The following PPP1R12B variants were observed in gnomAD, a reference collection of about 807,000 sequenced individuals.
The protein encoded by PPP1R12B is myosin phosphatase target subunit 2.
Under a neutral mutation model 126.1 loss-of-function variants are expected in PPP1R12B, and 76 were observed. The observed-to-expected ratio is 0.60, with a 90% CI of 0.50 to 0.73. The LOEUF (loss-of-function observed/expected upper bound fraction) is 0.73, where lower values mean the gene tolerates loss of function less well. Ranked by LOEUF, PPP1R12B falls within the 30% of genes least tolerant of loss-of-function variation. The pLI, the probability that PPP1R12B is intolerant of heterozygous loss-of-function variation, is 0.00. For synonymous variants in PPP1R12B, 356 were observed against 434.7 expected, an observed-to-expected ratio of 0.82 and a Z score of 2.25; for missense variants, 1,052 against 1,205.1, an observed-to-expected ratio of 0.87 and a Z score of 1.88.
intron 1 of PPP1R12B, among the ~76,000 whole-genome samples, chr1:202,377,714 T>C (rs1661427967): frequency 6.6e-6 from 1 of 151,432 alleles, no homozygotes; most frequent in Non-Finnish European, 1.5e-5. Flanking sequence ...TCTAGGGCAA[T>C]AGTGAAAGGC....
intron 18 of PPP1R12B, among the ~76,000 whole-genome samples, chr1:202,532,720 A>G (rs544734306): frequency 3.0e-4 from 45 of 152,282 alleles, no homozygotes; most frequent in African/African-American, 1.1e-3. Flanking sequence ...GGAATTAAAA[A>G]AGAAAGTCAC....
intron 13 of PPP1R12B, among the ~76,000 whole-genome samples, chr1:202,469,980 A>G (rs1675610219): frequency 2.0e-5 from 3 of 152,200 alleles, no homozygotes; most frequent in Non-Finnish European, 4.4e-5. Context: ...TTAGATTTCA[A>G]TAAAGGTTAA....
At chr1:202,466,273 C>T (rs1382949973) in intron 13 of PPP1R12B, among the ~76,000 whole-genome samples, 2 of 151,982 alleles carry the variant, frequency 1.3e-5, no homozygotes, top group Non-Finnish European at 2.9e-5. Flanking sequence ...TGGCAAAGGG[C>T]CCTGTAAACT....
intron 8 of PPP1R12B, among the ~76,000 whole-genome samples, chr1:202,432,004 C>T (rs1454465311): frequency 3.3e-5 from 5 of 152,188 alleles, no homozygotes; most frequent in Non-Finnish European, 7.3e-5. Flanking sequence ...AGGAATCCAA[C>T]TCTCCTTACT....
chr1:202,585,463 C>CTT lies in PPP1R12B; in HGVS notation c.*4905_*4906dup, dbSNP rs1689762787. On this transcript the variant is annotated 3_prime_UTR_variant, in exon 24 of 24. Transcript: ENST00000608999. ...ACCCCTTCTCCTTTTAGTCATGTGA[C>CTT]TTTGGGCAGGTCACCCTCCCTGTCT... is the stretch of plus-strand genomic sequence containing the variant. 1 of 152,218 alleles carries CTT rather than the reference C, an allele frequency of 6.6e-6. No homozygotes were observed. The highest frequency in any genetic ancestry group is 1.5e-5 in the Non-Finnish European group (1 of 68,042). The allele number at this position is 152,218 out of a possible 1,614,324, so 9.4% of individuals were successfully genotyped here. A position where few individuals can be genotyped will look rare whatever the true frequency, so the allele number is the denominator to read the frequency against.
chr1:202,457,362 C>A (rs914300425), intron 13 of PPP1R12B, among the ~76,000 whole-genome samples: 3 of 152,152 alleles, frequency 2.0e-5, no homozygotes, highest in Non-Finnish European at 4.4e-5. Flanking sequence ...CCAGCCTGAC[C>A]AACATGGCGA....
At chr1:202,558,582 G>A (rs1687196590) in intron 18 of PPP1R12B, 3 of 299,106 alleles carry the variant, frequency 1.0e-5, no homozygotes, top group Admixed American at 1.0e-4. Flanking sequence ...GGAGTTGGGG[G>A]CAGTTTTTGA....
Position 202,349,063 on chromosome 1 carries a change from C to T in PPP1R12B, c.212C>T (p.Thr71Ile). 3.7e-6 allele frequency: 6 copies of T among 1,614,080 alleles called. No individual in the cohort carries two copies. The highest frequency in any genetic ancestry group is 5.1e-6 in the Non-Finnish European group (6 of 1,180,022). The change falls in exon 1 of 24, where the codon ACC becomes ATC. Residue 71 changes from threonine to isoleucine, a missense_variant. By Grantham distance (89) the Thr-to-Ile change is moderately conservative. Coordinates refer to ENST00000608999, the MANE Select transcript of PPP1R12B (RefSeq NM_002481.4). ...VFLAACSSGD[T>I]DEVRKLLARG... ...CTGGCCGCCTGCTCTAGCGGGGACACCGACGAGGTGAGAAAGCTTCTGGCA... is the reference window on the plus strand; with the variant it reads ...CTGGCCGCCTGCTCTAGCGGGGACATCGACGAGGTGAGAAAGCTTCTGGCA...
At chr1:202,540,344 G>C in intron 18 of PPP1R12B, 2 of 930,528 alleles carry the variant, frequency 2.1e-6, no homozygotes, top group Non-Finnish European at 3.1e-6. Flanking sequence ...AGGGATTTCA[G>C]AGCATATGGG....
chr1:202,437,756 A>G (rs973799469), intron 9 of PPP1R12B, 65 bp from the exon 10 acceptor site: 1 of 1,450,738 alleles, frequency 6.9e-7, no homozygotes, highest in African/African-American at 1.4e-5. Flanking sequence ...TGGAAAAGGC[A>G]AATAGGCTGA....
In PPP1R12B at chr1:202,586,094, C is replaced by T. The variant is rs1381770117; in HGVS notation, c.*5534C>T. 6.6e-6 allele frequency: 1 copy of T among 152,250 alleles called. No homozygotes were observed. Among genetic ancestry groups the T allele is most frequent in the Non-Finnish European group, 1.5e-5 (1 of 68,054 alleles). 9.4% of individuals were successfully genotyped at this position (152,250 alleles called of 1,614,324 possible). The stretch of plus-strand genomic sequence containing the variant: ...TTGAGCTCCCCCTCTGGATTTTGGA[C>T]TTACCAGAAGTAGGAGGTTCTGATA... On this transcript the variant is annotated 3_prime_UTR_variant, in exon 24 of 24. Coordinates refer to ENST00000608999, the MANE Select transcript of PPP1R12B (RefSeq NM_002481.4).
chr1:202,481,665 A>G (rs1677387454), intron 13 of PPP1R12B, among the ~76,000 whole-genome samples: 1 of 152,174 alleles, frequency 6.6e-6, no homozygotes, highest in Non-Finnish European at 1.5e-5. Context: ...TGTGTTGTAT[A>G]ATGATCTAAT....
chr1:202,383,820 TATAACA>T (rs901034632), intron 1 of PPP1R12B, among the ~76,000 whole-genome samples: 3 of 152,242 alleles, frequency 2.0e-5, no homozygotes, highest in African/African-American at 4.8e-5. Context: ...CATTGATACA[TATAACA>T]ATAATTTATT....
At chr1:202,362,480 AG>A (rs1286776863) in intron 1 of PPP1R12B, among the ~76,000 whole-genome samples, 2 of 152,200 alleles carry the variant, frequency 1.3e-5, no homozygotes, top group African/African-American at 4.8e-5. Context: ...ATTGCCGTAC[AG>A]GGCTAGTATT....
chr1:202,580,519 A>G lies in PPP1R12B; in HGVS notation c.2908A>G (p.Asn970Asp). ...CGACAACCAGAGGCTGAAAGATGAAAATGGTGCCCTCATCAGAGTCATCAG... is the reference window on the plus strand; with the variant it reads ...CGACAACCAGAGGCTGAAAGATGAAGATGGTGCCCTCATCAGAGTCATCAG... ...KSDNQRLKDENGALIRVISKL... is the reference protein window; with the variant it reads ...KSDNQRLKDEDGALIRVISKL... Residue 970 changes from asparagine to aspartate, a missense_variant, in exon 24 of 24, where the codon AAT becomes GAT. By Grantham distance (23) the Asn-to-Asp change is conservative. Transcript: ENST00000608999. The G allele has an allele frequency of 6.2e-7, 1 of 1,614,092 alleles. No individual in the cohort carries two copies. Among genetic ancestry groups the G allele is most frequent in the Non-Finnish European group, 8.5e-7 (1 of 1,179,946 alleles).
Position 202,442,316 on chromosome 1 carries a change from G to C in PPP1R12B, c.1542-131G>C, listed in dbSNP as rs542360240. 113 of 1,050,692 alleles carry C rather than the reference G, an allele frequency of 1.1e-4. No homozygotes were observed. In the African/African-American group the frequency reaches 1.8e-3, roughly 16 times the overall value. 65.1% of individuals were successfully genotyped at this position (1,050,692 alleles called of 1,614,324 possible). A position where few individuals can be genotyped will look rare whatever the true frequency, so the allele number is the denominator to read the frequency against. On this transcript the variant is annotated intron_variant, in intron 11 of 23. Coordinates refer to ENST00000608999, the MANE Select transcript of PPP1R12B (RefSeq NM_002481.4). ...GTACAGAAAACTGGTATATAAAACA[G>C]AATAACCTGAAGAATGTGTCTATTA...
chr1:202,562,621 G>T (rs527419462), intron 19 of PPP1R12B, 157 bp from the exon 20 acceptor site: 2 of 887,162 alleles, frequency 2.3e-6, no homozygotes, highest in African/African-American at 1.6e-5. Flanking sequence ...GTCTGGGAAC[G>T]CTGGCAGAGA....
chr1:202,510,995 A>G (rs904139896), intron 18 of PPP1R12B, among the ~76,000 whole-genome samples: 5 of 146,618 alleles, frequency 3.4e-5, no homozygotes, highest in African/African-American at 1.2e-4. Flanking sequence ...ATCCAAATTT[A>G]TACAATAATT....
intron 13 of PPP1R12B, among the ~76,000 whole-genome samples, chr1:202,474,322 T>C (rs1676348934): frequency 6.6e-6 from 1 of 152,022 alleles, no homozygotes; most frequent in South Asian, 2.1e-4. Context: ...AGTCCCACTC[T>C]TGTCGCCCAG....
Sources: allele counts gnomAD v4.1 joint callset (sites outside exome capture counted in the v4.1 genomes callset), GRCh38; gene constraint gnomAD v4.1.1; transcripts MANE v1.5; gene names NCBI Gene and HGNC (gene_info 2026-07-23, HGNC 2026-07-21).